Variants in AUTS2 observed in about 807,000 individuals in gnomAD.
AUTS2 encodes activator of transcription and developmental regulator AUTS2, also known as autism susceptibility gene 2 protein.
Under a neutral mutation model 112.4 loss-of-function variants are expected in AUTS2, and 17 were observed. That is an observed-to-expected ratio of 0.15 (90% CI 0.10 to 0.23). The LOEUF (loss-of-function observed/expected upper bound fraction) is 0.23. AUTS2 is among the 10% of genes least tolerant of loss of function. The pLI is 1.00. For synonymous variants in AUTS2, 751 were observed against 702.7 expected, an observed-to-expected ratio of 1.07 and a Z score of -1.09; for missense variants, 1,510 against 1,701.6, an observed-to-expected ratio of 0.89 and a Z score of 1.98.
chr7:70,071,385 T>G (rs1265275882), intron 2 of AUTS2, among the ~76,000 whole-genome samples: 6 of 152,190 alleles, frequency 3.9e-5, no homozygotes, highest in African/African-American at 9.7e-5. Context: ...GCCTTCCCCT[T>G]GAATGTACCT....
intron 4 of AUTS2, among the ~76,000 whole-genome samples, chr7:70,356,885 G>A (rs941563581): frequency 6.6e-6 from 1 of 152,128 alleles, no homozygotes; most frequent in Non-Finnish European, 1.5e-5. Flanking sequence ...TAGGAAAATT[G>A]GACCAGTCCC....
chr7:69,878,917 T>G (rs143032420), intron 1 of AUTS2, among the ~76,000 whole-genome samples: 1 of 152,312 alleles, frequency 6.6e-6, no homozygotes, highest in African/African-American at 2.4e-5. Flanking sequence ...TTGCTATTGC[T>G]GAGGCTCTTT....
At chr7:70,703,375 A>G (rs935830763) in intron 6 of AUTS2, among the ~76,000 whole-genome samples, 1 of 150,574 alleles carries the variant, frequency 6.6e-6, no homozygotes, top group Non-Finnish European at 1.5e-5. Flanking sequence ...GTGTATTTGT[A>G]GTCTCAGCTA....
At chr7:70,484,504 C>T (rs1322843714) in intron 5 of AUTS2, among the ~76,000 whole-genome samples, 1 of 152,220 alleles carries the variant, frequency 6.6e-6, no homozygotes, top group African/African-American at 2.4e-5. Flanking sequence ...CTCAGGGTCT[C>T]AGCTTTCATT....
At chr7:69,770,647 A>T (rs1351063288) in intron 1 of AUTS2, among the ~76,000 whole-genome samples, 3 of 152,156 alleles carry the variant, frequency 2.0e-5, no homozygotes, top group Non-Finnish European at 4.4e-5. Flanking sequence ...AGCGCTTCAT[A>T]TAAGACTTTT....
chr7:70,151,857 A>G (rs148043313), intron 4 of AUTS2, among the ~76,000 whole-genome samples: 3 of 152,322 alleles, frequency 2.0e-5, no homozygotes, highest in African/African-American at 7.2e-5. Context: ...ATTACCAGAC[A>G]TTCAAGGAAC....
chr7:69,953,977 C>G (rs1797123997), intron 2 of AUTS2, among the ~76,000 whole-genome samples: 1 of 152,104 alleles, frequency 6.6e-6, no homozygotes, highest in South Asian at 2.1e-4. Context: ...GATTTCCTCT[C>G]TATTAGAGAG....
chr7:70,544,990 G>A (rs71549359), intron 5 of AUTS2, among the ~76,000 whole-genome samples: 10,832 of 152,228 alleles, frequency 0.071, 458 homozygotes, highest in African/African-American at 0.1. Context: ...GGACCCAGGG[G>A]ACCTCATCCA....
chr7:70,571,460 C>G (rs1183011793), intron 5 of AUTS2, among the ~76,000 whole-genome samples: 2 of 152,106 alleles, frequency 1.3e-5, no homozygotes, highest in Non-Finnish European at 1.5e-5. Flanking sequence ...TTCATTTTAC[C>G]CTTGGAAAGG....
At chr7:69,923,293 G>T (rs964653924) in intron 2 of AUTS2, among the ~76,000 whole-genome samples, 4 of 152,138 alleles carry the variant, frequency 2.6e-5, no homozygotes, top group Non-Finnish European at 5.9e-5. Context: ...AGTTGTCCAT[G>T]TATGTGTGAG....
At chr7:70,334,743 T>C (rs536998002) in intron 4 of AUTS2, among the ~76,000 whole-genome samples, 2 of 152,324 alleles carry the variant, frequency 1.3e-5, no homozygotes, top group South Asian at 2.1e-4. Context: ...AAAAGTGTCA[T>C]GTAAAACAAA....
intron 1 of AUTS2, among the ~76,000 whole-genome samples, chr7:69,698,646 A>C (rs903387776): frequency 2.6e-5 from 4 of 152,180 alleles, no homozygotes; most frequent in Admixed American, 2.0e-4. Flanking sequence ...TAGACTTAAC[A>C]CAAGAAACAT....
chr7:69,985,985 A>G (rs1438898201), intron 2 of AUTS2, among the ~76,000 whole-genome samples: 1 of 151,908 alleles, frequency 6.6e-6, no homozygotes, highest in Admixed American at 6.6e-5. Context: ...CTGGTCCTGA[A>G]CTTCTGGGCT....
At chr7:70,276,340 T>C (rs967549213) in intron 4 of AUTS2, among the ~76,000 whole-genome samples, 1 of 151,968 alleles carries the variant, frequency 6.6e-6, no homozygotes, top group Non-Finnish European at 1.5e-5. Context: ...CTAATTTAAG[T>C]AGTTTTTATT....
chr7:70,781,394 A>G (rs952372082), intron 14 of AUTS2: 2 of 437,468 alleles, frequency 4.6e-6, no homozygotes, highest in East Asian at 4.1e-5. Flanking sequence ...ACCAGACCAA[A>G]CACTAGTGTT....
At position 70,791,134 on chromosome 7, in the gene AUTS2, A is replaced by C; in HGVS notation, c.*138A>C. 1.2e-6 allele frequency: 1 copy of C among 804,090 alleles called. No homozygotes were observed. Among genetic ancestry groups the C allele is most frequent in the East Asian group, 3.2e-5 (1 of 30,908 alleles). The allele number at this position is 804,090 out of a possible 1,614,324, so 49.8% of individuals were successfully genotyped here. The stretch of plus-strand genomic sequence containing the variant: ...CCTTCCCCTTGTAAAAAATGTATAG[A>C]CTCAGTGCACATTTTGAAATGTTTT... On this transcript the variant is annotated 3_prime_UTR_variant, in exon 19 of 19. Coordinates refer to ENST00000342771, the MANE Select transcript of AUTS2 (RefSeq NM_015570.4).
At chr7:70,126,692 C>T (rs1805990203) in intron 3 of AUTS2, among the ~76,000 whole-genome samples, 1 of 152,180 alleles carries the variant, frequency 6.6e-6, no homozygotes, top group African/African-American at 2.4e-5. Flanking sequence ...GCAAAACTTA[C>T]TTAAAAACTT....
At chr7:70,536,598 T>TTTC (rs386410392) in intron 5 of AUTS2, among the ~76,000 whole-genome samples, 1 of 147,854 alleles carries the variant, frequency 6.8e-6, no homozygotes, top group African/African-American at 2.5e-5. Flanking sequence ...TTTTTTTTTT[T>TTTC]CAGTAGAAGA....
chr7:70,239,012 C>T (rs1007177592), intron 4 of AUTS2, among the ~76,000 whole-genome samples: 2 of 152,116 alleles, frequency 1.3e-5, no homozygotes, highest in African/African-American at 4.8e-5. Context: ...AGGCAGTTAC[C>T]GATGTAATAG....
Sources: gnomAD v4.1 joint callset for allele counts (sites outside exome capture counted in the v4.1 genomes callset) on GRCh38, gnomAD v4.1.1 for gene constraint, MANE v1.5 for transcripts, NCBI Gene and HGNC (gene_info 2026-07-23, HGNC 2026-07-21) for gene names.